Variants in TRERF1 observed in about 807,000 individuals in gnomAD.
The protein encoded by TRERF1 is transcriptional regulating factor 1.
Under a neutral mutation model 122.9 loss-of-function variants are expected in TRERF1, and 27 were observed. The ratio of observed to expected loss-of-function variants is 0.22; its 90% CI spans 0.16 to 0.30. The LOEUF (loss-of-function observed/expected upper bound fraction) is 0.30, where lower values mean the gene tolerates loss of function less well. Among genes scored for constraint, TRERF1 ranks in the 10% least tolerant of loss-of-function variants. The pLI, the probability that TRERF1 is intolerant of heterozygous loss-of-function variation, is 1.00. For synonymous variants in TRERF1, 636 were observed against 641.7 expected (o/e 0.99, Z 0.13); for missense variants, 1,248 against 1,560.3 (o/e 0.80, Z 3.37).
intron 2 of TRERF1, among the ~76,000 whole-genome samples, chr6:42,408,227 A>ATATGTG (rs150915297): frequency 6.0e-5 from 7 of 116,704 alleles, no homozygotes; most frequent in Non-Finnish European, 1.2e-4. Context: ...ATATATATAT[A>ATATGTG]TGTGTGTGTG....
chr6:42,318,145 C>T (rs1374441918), intron 3 of TRERF1, among the ~76,000 whole-genome samples: 1 of 151,108 alleles, frequency 6.6e-6, no homozygotes, highest in East Asian at 1.9e-4. Context: ...CAGGGCGAGA[C>T]TCTGTCTCCA....
chr6:42,316,769 G>A (rs1401897726), intron 3 of TRERF1, among the ~76,000 whole-genome samples: 1 of 152,088 alleles, frequency 6.6e-6, no homozygotes, highest in Non-Finnish European at 1.5e-5. Flanking sequence ...ATTATGGGAG[G>A]GGCCTGAATT....
At chr6:42,425,840 C>T (rs543375906) in intron 2 of TRERF1, among the ~76,000 whole-genome samples, 157 of 152,136 alleles carry the variant, frequency 1.0e-3, no homozygotes, top group Non-Finnish European at 1.8e-3. Flanking sequence ...AGTGCCCCGC[C>T]GGCCCCCTGG....
intron 13 of TRERF1, among the ~76,000 whole-genome samples, chr6:42,249,059 AG>A (rs1316666080): frequency 6.6e-6 from 1 of 152,220 alleles, no homozygotes; most frequent in Non-Finnish European, 1.5e-5. Flanking sequence ...TAATGATGGA[AG>A]GAAGACCACA....
chr6:42,336,910 C>T (rs532164111), intron 3 of TRERF1, among the ~76,000 whole-genome samples: 63 of 152,264 alleles, frequency 4.1e-4, no homozygotes, highest in Middle Eastern at 3.4e-3. Context: ...GGGGCTGCGG[C>T]GGAGGATGGC....
At chr6:42,327,511 C>T (rs564786584) in intron 3 of TRERF1, among the ~76,000 whole-genome samples, 82 of 152,250 alleles carry the variant, frequency 5.4e-4, no homozygotes, top group African/African-American at 1.9e-3. Flanking sequence ...ATAATGAGGA[C>T]CCCATAAACG....
At chr6:42,367,471 T>C (rs977639876) in intron 2 of TRERF1, among the ~76,000 whole-genome samples, 2 of 152,118 alleles carry the variant, frequency 1.3e-5, no homozygotes, top group East Asian at 1.9e-4. Context: ...AAAACACGCA[T>C]GCACAATGGC....
At chr6:42,262,695 T>C (rs572603199) in intron 8 of TRERF1, among the ~76,000 whole-genome samples, 1 of 151,956 alleles carries the variant, frequency 6.6e-6, no homozygotes, top group African/African-American at 2.4e-5. Context: ...GAAAAACAAA[T>C]CTCTTTGCTT....
At chr6:42,330,068 A>C (rs545879598) in intron 3 of TRERF1, among the ~76,000 whole-genome samples, 1 of 152,322 alleles carries the variant, frequency 6.6e-6, no homozygotes, top group South Asian at 2.1e-4. Flanking sequence ...AAACGAAAAA[A>C]TTAATTTCCC....
At chr6:42,349,503 A>G (rs1214039098) in intron 3 of TRERF1, among the ~76,000 whole-genome samples, 2 of 152,014 alleles carry the variant, frequency 1.3e-5, no homozygotes, top group East Asian at 1.9e-4. Flanking sequence ...CTAACTCCTC[A>G]CGAAACCTGT....
chr6:42,286,213 T>C (rs1238906755), intron 4 of TRERF1, among the ~76,000 whole-genome samples: 2 of 147,234 alleles, frequency 1.4e-5, no homozygotes, highest in Non-Finnish European at 3.0e-5. Flanking sequence ...GGCATTACCA[T>C]TGAGGACATA....
intron 2 of TRERF1, among the ~76,000 whole-genome samples, chr6:42,381,418 ACCT>A: frequency 6.6e-6 from 1 of 151,954 alleles, no homozygotes; most frequent in Non-Finnish European, 1.5e-5. Flanking sequence ...CTAGCCATTA[ACCT>A]ATCTGAATAT....
chr6:42,340,117 T>C (rs1419197635), intron 3 of TRERF1, among the ~76,000 whole-genome samples: 4 of 152,192 alleles, frequency 2.6e-5, no homozygotes, highest in East Asian at 1.9e-4. Context: ...AGAAATTGCA[T>C]AGCAGTTGCC....
Position 42,378,292 on chromosome 6 carries a change from G to A in TRERF1, c.-453-15213C>T, listed in dbSNP as rs532948423. On this transcript the variant is annotated intron_variant, in intron 2 of 17. Coordinates refer to ENST00000372922, the Ensembl canonical transcript of TRERF1. ...TAGCTGAAAGCAAACTTGATAAGTC[G>A]AGGCGATACAGGCTCAGACTGTCAA... is the stretch of plus-strand genomic sequence containing the variant. 3.3e-5 allele frequency among the ~76,000 whole-genome samples: 5 copies of A among 151,832 alleles called. No homozygotes were observed. In the East Asian group the frequency reaches 9.7e-4, roughly 29 times the overall value.
intron 2 of TRERF1, among the ~76,000 whole-genome samples, chr6:42,387,196 A>G (rs181205795): frequency 9.2e-5 from 14 of 152,368 alleles, no homozygotes; most frequent in Non-Finnish European, 1.9e-4. Flanking sequence ...CTGGGGGTAA[A>G]CCCACTCTGC....
intron 4 of TRERF1, among the ~76,000 whole-genome samples, chr6:42,282,619 G>A (rs1031474062): frequency 1.4e-4 from 22 of 152,270 alleles, no homozygotes; most frequent in African/African-American, 4.6e-4. Context: ...AACTCTCTAT[G>A]AAATGAAATG....
chr6:42,311,368 A>C (rs781704727), intron 3 of TRERF1, among the ~76,000 whole-genome samples: 46 of 152,274 alleles, frequency 3.0e-4, no homozygotes, highest in Non-Finnish European at 2.9e-4. Context: ...AGTCCCAGGC[A>C]GAGGACACAG....
intron 2 of TRERF1, among the ~76,000 whole-genome samples, chr6:42,367,160 T>C (rs562371180): frequency 2.0e-5 from 3 of 152,222 alleles, no homozygotes; most frequent in African/African-American, 7.2e-5. Context: ...AAGTATAATA[T>C]CTAGCACAGG....
chr6:42,315,762 G>A (rs1162320535), intron 3 of TRERF1, among the ~76,000 whole-genome samples: 1 of 149,682 alleles, frequency 6.7e-6, no homozygotes, highest in Non-Finnish European at 1.5e-5. Context: ...TCTGAGGGCT[G>A]GAGAACGCTG....
Sources: gnomAD v4.1 joint callset for allele counts (sites outside exome capture counted in the v4.1 genomes callset) on GRCh38, gnomAD v4.1.1 for gene constraint, MANE v1.5 for transcripts, NCBI Gene and HGNC (gene_info 2026-07-23, HGNC 2026-07-21) for gene names.